Variants in PASD1 observed in about 807,000 individuals in gnomAD.
The protein encoded by PASD1 is PAS domain containing repressor 1.
PASD1 carries 13 observed loss-of-function variants against 58.8 expected under a neutral mutation model. The ratio of observed to expected loss-of-function variants is 0.22; its 90% CI spans 0.14 to 0.35. The LOEUF (loss-of-function observed/expected upper bound fraction) is 0.35. Ranked by LOEUF, PASD1 falls within the 10% of genes least tolerant of loss-of-function variation. The probability of loss-of-function intolerance (pLI) is 1.00; values close to 1 mark genes in which losing one functional copy is unlikely to be tolerated. For synonymous variants in PASD1, 236 were observed against 216.7 expected (o/e 1.09, Z -0.78); for missense variants, 734 against 568.3 (o/e 1.29, Z -2.96).
chrX:151,666,385 C>CT (rs961008679), intron 11 of PASD1, among the ~76,000 whole-genome samples: 17 of 104,693 alleles, frequency 1.6e-4, no homozygotes, highest in African/African-American at 2.8e-4. Flanking sequence ...TTTTTTTCTC[C>CT]TTTTTTTTTT....
At chrX:151,668,217 G>T (rs932509451) in intron 11 of PASD1, among the ~76,000 whole-genome samples, 3 of 111,555 alleles carry the variant, frequency 2.7e-5, no homozygotes, top group Non-Finnish European at 3.8e-5. Context: ...TAGCATGAAG[G>T]GTTGTTGAAT....
At chrX:151,606,955 A>G (rs1377090836) in intron 3 of PASD1, among the ~76,000 whole-genome samples, 2 of 111,687 alleles carry the variant, frequency 1.8e-5, no homozygotes, top group Non-Finnish European at 3.8e-5. Context: ...TTAAAATTTT[A>G]TCTTACAAAA....
intron 1 of PASD1, among the ~76,000 whole-genome samples, chrX:151,578,601 G>A (rs1221185557): frequency 8.9e-6 from 1 of 112,550 alleles, no homozygotes; most frequent in Non-Finnish European, 1.9e-5. Flanking sequence ...GCAGGCTTAA[G>A]AACTTTCTCT....
intron 11 of PASD1, 54 bp downstream of exon 11, chrX:151,664,402 T>TG: frequency 8.4e-7 from 1 of 1,186,865 alleles, no homozygotes; most frequent in South Asian, 1.8e-5. Flanking sequence ...TAGCTAACCT[T>TG]GCAAAGCCCA....
chrX:151,625,283 C>G (rs1042531307), intron 7 of PASD1, among the ~76,000 whole-genome samples, 165 bp from the exon 8 acceptor site: 5 of 112,220 alleles, frequency 4.5e-5, no homozygotes, highest in Admixed American at 9.5e-5. Flanking sequence ...CATTATATCT[C>G]TAATCCTCAG....
rs764202908 is a variant in PASD1 at position 151,641,846 on chromosome X, G to A, written c.630-6769G>A. On this transcript the variant is annotated intron_variant, in intron 8 of 15. Coordinates refer to ENST00000370357, the MANE Select transcript of PASD1 (RefSeq NM_173493.3). ...CACACACACACACACACACACGCGCGCGCGCGTATACCAGACATTTTCCTT... is the reference window on the plus strand; with the variant it reads ...CACACACACACACACACACACGCGCACGCGCGTATACCAGACATTTTCCTT... Among the ~76,000 whole-genome samples, 8 of 111,098 alleles carry A rather than the reference G, an allele frequency of 7.2e-5. No individual in the cohort carries two copies. In the East Asian group the frequency reaches 1.4e-3, roughly 20 times the overall value.
At chrX:151,603,478 T>C (rs762759443) in intron 2 of PASD1, among the ~76,000 whole-genome samples, 31 of 112,222 alleles carry the variant, frequency 2.8e-4, no homozygotes, top group Middle Eastern at 9.2e-3. Flanking sequence ...TCTTTTTTAT[T>C]TCTTTGAATG....
At chrX:151,596,216 G>A (rs1019239868) in intron 1 of PASD1, among the ~76,000 whole-genome samples, 5 of 112,078 alleles carry the variant, frequency 4.5e-5, no homozygotes, top group African/African-American at 1.6e-4. Flanking sequence ...TCTGCAGGAT[G>A]AGAAGTTCAA....
intron 10 of PASD1, among the ~76,000 whole-genome samples, chrX:151,660,085 C>T (rs1312599275): frequency 8.9e-6 from 1 of 111,996 alleles, no homozygotes; most frequent in Non-Finnish European, 1.9e-5. Flanking sequence ...CGCTGGATCT[C>T]AATCCTTGAA....
At chrX:151,658,194 T>C (rs1569414821) in intron 9 of PASD1, among the ~76,000 whole-genome samples, 1 of 112,242 alleles carries the variant, frequency 8.9e-6, no homozygotes, top group Admixed American at 9.5e-5. Context: ...AATTATGGAA[T>C]AAAGGTGAAT....
chrX:151,584,357 T>TA (rs1321409548), intron 1 of PASD1, among the ~76,000 whole-genome samples: 3 of 112,379 alleles, frequency 2.7e-5, no homozygotes, highest in African/African-American at 9.7e-5. Flanking sequence ...GAATTCCACT[T>TA]AAAATCTTAC....
At chrX:151,604,868 C>T (rs1014214693) in intron 3 of PASD1, 134 bp downstream of exon 3, 6 of 506,463 alleles carry the variant, frequency 1.2e-5, no homozygotes, top group Non-Finnish European at 1.9e-5. Context: ...TAACTTAAAT[C>T]GTCTGAATCA....
chrX:151,580,508 C>CTTTTTTTTT (rs200293926), intron 1 of PASD1, among the ~76,000 whole-genome samples: 30 of 67,112 alleles, frequency 4.5e-4, no homozygotes, highest in African/African-American at 9.8e-4. Flanking sequence ...TTCTTTTTTT[C>CTTTTTTTTT]TTTTTTTTTT....
At chrX:151,668,264 C>T (rs925421811) in intron 11 of PASD1, among the ~76,000 whole-genome samples, 2 of 111,592 alleles carry the variant, frequency 1.8e-5, no homozygotes, top group Admixed American at 9.6e-5. Context: ...CTGAGATAAT[C>T]GTATGGTTTT....
chrX:151,624,389 T>C (rs2124273494), intron 7 of PASD1, among the ~76,000 whole-genome samples: 1 of 111,559 alleles, frequency 9.0e-6, no homozygotes, highest in East Asian at 2.8e-4. Context: ...CATGTTAATA[T>C]TGTGTTGATG....
intron 1 of PASD1, among the ~76,000 whole-genome samples, chrX:151,572,590 T>G (rs906707031): frequency 8.9e-6 from 1 of 111,829 alleles, no homozygotes; most frequent in African/African-American, 3.3e-5. Flanking sequence ...ATGAAAATCT[T>G]TCTGTTTAAA....
At chrX:151,666,106 G>T (rs771117686) in intron 11 of PASD1, among the ~76,000 whole-genome samples, 1 of 109,593 alleles carries the variant, frequency 9.1e-6, no homozygotes, top group East Asian at 2.9e-4. Context: ...CTCATAAAGG[G>T]TATTGATGAA....
chrX:151,614,412 C>G (rs2013612124), intron 4 of PASD1, among the ~76,000 whole-genome samples: 1 of 111,155 alleles, frequency 9.0e-6, no homozygotes, highest in Non-Finnish European at 1.9e-5. Flanking sequence ...CATAAACATT[C>G]AATCTGTAGC....
At chrX:151,606,977 A>T (rs1049479585) in intron 3 of PASD1, among the ~76,000 whole-genome samples, 16 of 111,688 alleles carry the variant, frequency 1.4e-4, no homozygotes, top group Admixed American at 3.8e-4. Flanking sequence ...TATACATAAC[A>T]TATAGTAACA....
Sources: gnomAD v4.1 joint callset for allele counts (sites outside exome capture counted in the v4.1 genomes callset) on GRCh38, gnomAD v4.1.1 for gene constraint, MANE v1.5 for transcripts, NCBI Gene and HGNC (gene_info 2026-07-23, HGNC 2026-07-21) for gene names.